Variants in ZDHHC13 observed in about 807,000 individuals in gnomAD.
The protein encoded by ZDHHC13 is zDHHC palmitoyltransferase 13, also known as palmitoyltransferase ZDHHC13.
Under a neutral mutation model 86.0 loss-of-function variants are expected in ZDHHC13, and 85 were observed. That is an observed-to-expected ratio of 0.99 (90% CI 0.83 to 1.18). The LOEUF (loss-of-function observed/expected upper bound fraction) is 1.18. ZDHHC13 is among the 50% of genes most tolerant of loss of function. The pLI is 0.00. For missense variants in ZDHHC13, 711 were observed against 730.2 expected (o/e 0.97, Z 0.30); for synonymous variants, 263 against 246.4 (o/e 1.07, Z -0.63).
intron 9 of ZDHHC13, 65 bp from the exon 10 acceptor site, chr11:19,158,875 G>A: frequency 1.1e-5 from 12 of 1,090,684 alleles, no homozygotes; most frequent in Non-Finnish European, 1.5e-5. Flanking sequence ...TATTATTTAG[G>A]GAAATTTAGA....
chr11:19,148,579 A>G (rs1251210915), intron 4 of ZDHHC13: 1 of 152,124 alleles, frequency 6.6e-6, no homozygotes, highest in East Asian at 1.9e-4. Flanking sequence ...CATTGTTACC[A>G]TGTCATAAAG....
chr11:19,171,826 GCTGTTTT>G (rs146398607), intron 15 of ZDHHC13, among the ~76,000 whole-genome samples: 1,844 of 152,260 alleles, frequency 0.012, 42 homozygotes, highest in African/African-American at 0.042. Flanking sequence ...TCAGAACAAA[GCTGTTTT>G]CTTAATGAAC....
In ZDHHC13 at chr11:19,152,610, C is replaced by G; in HGVS notation, c.799C>G (p.His267Asp). The stretch of plus-strand genomic sequence containing the variant: ...ACAAAACAAAAATCAGCTCATTATT[C>G]ATATGCTAAAAACAGAAGCCAAAAT... ...ALQNKNQLII[H>D]MLKTEAKMRA... Residue 267 changes from histidine (H) to aspartate (D), a missense_variant, in exon 8 of 17, where the codon CAT becomes GAT. Coordinates refer to ENST00000446113, the MANE Select transcript of ZDHHC13 (RefSeq NM_019028.3). 6.2e-7 allele frequency: 1 copy of G among 1,613,298 alleles called. No homozygotes were observed. The highest frequency in any genetic ancestry group is 8.5e-7 in the Non-Finnish European group (1 of 1,179,438).
chr11:19,164,391 GT>G, intron 12 of ZDHHC13, 28 bp downstream of exon 12: 1 of 1,602,636 alleles, frequency 6.2e-7, no homozygotes, highest in South Asian at 1.1e-5. Flanking sequence ...ATTTTTTTCC[GT>G]AGTGAAAGCA....
intron 1 of ZDHHC13, among the ~76,000 whole-genome samples, chr11:19,125,053 GA>G: frequency 6.6e-6 from 1 of 152,144 alleles, no homozygotes; most frequent in Middle Eastern, 3.4e-3. Flanking sequence ...GAGGAATTGT[GA>G]CCCCAAGACA....
chr11:19,124,763 G>GT (rs980129921), intron 1 of ZDHHC13, among the ~76,000 whole-genome samples: 1 of 151,176 alleles, frequency 6.6e-6, no homozygotes, highest in African/African-American at 2.4e-5. Flanking sequence ...GCGTGTGTGT[G>GT]GGGGGGTACT....
At chr11:19,138,593 G>T (rs1272398709) in intron 1 of ZDHHC13, among the ~76,000 whole-genome samples, 15 of 151,722 alleles carry the variant, frequency 9.9e-5, no homozygotes, top group East Asian at 5.8e-4. Context: ...TACCAAAGCC[G>T]GGCAGAGACA....
intron 13 of ZDHHC13, 45 bp downstream of exon 13, chr11:19,165,190 T>G: frequency 6.4e-7 from 1 of 1,555,854 alleles, no homozygotes; most frequent in Non-Finnish European, 8.7e-7. Flanking sequence ...GTTAAGCATA[T>G]GTTTAGTTAT....
In ZDHHC13 at chr11:19,155,806, T is replaced by A; in HGVS notation, c.884T>A (p.Leu295Gln). 1 of 1,611,758 alleles carries A rather than the reference T, an allele frequency of 6.2e-7. No individual in the cohort carries two copies. Among genetic ancestry groups the A allele is most frequent in the African/African-American group, 1.3e-5 (1 of 74,970 alleles). ...RWLQKCELFL[L>Q]LMLSVITMWA... ...TGAATCTCTTAATAGCTCTTCCTGC[T>A]GCTGATGCTTTCTGTGATTACCATG... The change falls in exon 9 of 17, where the codon CTG (leucine) becomes CAG (glutamine). Residue 295 changes from leucine to glutamine, a missense_variant. Leu to Gln is a moderately radical substitution (Grantham distance 113). Coordinates refer to ENST00000446113, the MANE Select transcript of ZDHHC13 (RefSeq NM_019028.3).
chr11:19,155,698 GTTATTATATACT>G, intron 8 of ZDHHC13, 86 bp from the exon 9 acceptor site: 2 of 1,261,578 alleles, frequency 1.6e-6, no homozygotes, highest in South Asian at 1.5e-5. Flanking sequence ...TGTATTAATT[GTTATTATATACT>G]TTGGAAGTAG....
At chr11:19,166,181 A>C in intron 13 of ZDHHC13, 121 bp from the exon 14 acceptor site, 1 of 750,074 alleles carries the variant, frequency 1.3e-6, no homozygotes, top group Non-Finnish European at 2.2e-6. Context: ...AAGCAAAGCA[A>C]CAGCTTTATT....
chr11:19,137,887 G>C (rs1849189667), intron 1 of ZDHHC13, among the ~76,000 whole-genome samples: 2 of 151,738 alleles, frequency 1.3e-5, no homozygotes, highest in African/African-American at 4.8e-5. Context: ...CAACATACCA[G>C]AATCTCTGGG....
In ZDHHC13 at chr11:19,117,615, G is replaced by T; in HGVS notation, c.27+339G>T. On this transcript the variant is annotated intron_variant, in intron 1 of 16. Transcript: ENST00000446113. This position sits in a 1 kb window ranked among gnomAD's most constrained non-coding sequence, Gnocchi z 4.2. ...ATGGCCCTTCCCGGGAGAGGTGTCAGGTGACACACCTGATTCGGACCCGCC... is the reference window on the plus strand; with the variant it reads ...ATGGCCCTTCCCGGGAGAGGTGTCATGTGACACACCTGATTCGGACCCGCC... 1 of 311,236 alleles carries T rather than the reference G, an allele frequency of 3.2e-6. No individual in the cohort carries two copies. Among genetic ancestry groups the T allele is most frequent in the East Asian group, 5.1e-5 (1 of 19,552 alleles). 19.3% of individuals were successfully genotyped at this position (311,236 alleles called of 1,614,324 possible). A position where few individuals can be genotyped will look rare whatever the true frequency, so the allele number is the denominator to read the frequency against.
In ZDHHC13 at chr11:19,158,928, T is replaced by G; in HGVS notation, c.1008-12T>G. ...TCATACTAATAACTTATATTTATCT[T>G]TTTTCTTTTAGGTTCTTGGTTGGGT... On this transcript the variant is annotated splice_polypyrimidine_tract_variant and intron_variant, in intron 9 of 16. Coordinates refer to ENST00000446113, the MANE Select transcript of ZDHHC13 (RefSeq NM_019028.3). 6.7e-7 allele frequency: 1 copy of G among 1,496,978 alleles called. No individual in the cohort carries two copies. The highest frequency in any genetic ancestry group is 8.9e-7 in the Non-Finnish European group (1 of 1,118,700). 92.7% of individuals were successfully genotyped at this position (1,496,978 alleles called of 1,614,324 possible).
At chr11:19,168,706 C>G in intron 14 of ZDHHC13, 1 of 693,388 alleles carries the variant, frequency 1.4e-6, no homozygotes, top group Non-Finnish European at 1.8e-6. Flanking sequence ...CACTGTCATC[C>G]CACCTCCCTT....
At chr11:19,135,402 C>T (rs1258052090) in intron 1 of ZDHHC13, among the ~76,000 whole-genome samples, 3 of 152,244 alleles carry the variant, frequency 2.0e-5, no homozygotes, top group African/African-American at 7.2e-5. Flanking sequence ...TTATATCCCG[C>T]ACCTGGCTCG....
intron 15 of ZDHHC13, among the ~76,000 whole-genome samples, chr11:19,170,982 T>C (rs1478121953): frequency 6.6e-6 from 1 of 152,238 alleles, no homozygotes; most frequent in African/African-American, 2.4e-5. Context: ...AGTTAAATTA[T>C]ATGTTGTGTG....
intron 13 of ZDHHC13, 145 bp downstream of exon 13, chr11:19,165,290 G>T (rs1260177669): frequency 2.8e-6 from 2 of 707,814 alleles, no homozygotes; most frequent in Admixed American, 5.3e-5. Context: ...TCGTTATTAT[G>T]CTACAGGTAA....
rs1392017069 is a variant in ZDHHC13 at position 19,166,077 on chromosome 11, T to C, written c.1391-225T>C. Reference sequence around the variant, plus strand: ...TATTCTAGTCCAAAAAAGTATCTTCTTTTAAGTAAGCAATGAATAAATATT... The same window carrying C: ...TATTCTAGTCCAAAAAAGTATCTTCCTTTAAGTAAGCAATGAATAAATATT... On this transcript the variant is annotated intron_variant, in intron 13 of 16. Transcript: ENST00000446113. 2.0e-5 allele frequency among the ~76,000 whole-genome samples: 3 copies of C among 152,340 alleles called. No individual in the cohort carries two copies. In the East Asian group the frequency reaches 5.8e-4, roughly 29 times the overall value.
Sources: allele counts gnomAD v4.1 joint callset (sites outside exome capture counted in the v4.1 genomes callset), GRCh38; gene constraint gnomAD v4.1.1; non-coding constraint Gnocchi (gnomAD v3.1); transcripts MANE v1.5; gene names NCBI Gene and HGNC (gene_info 2026-07-23, HGNC 2026-07-21).